The following TUT7 variants were observed in gnomAD, a reference collection of about 807,000 sequenced individuals.
TUT7 encodes terminal uridylyltransferase 7.
TUT7 carries 33 observed loss-of-function variants against 165.9 expected under a neutral mutation model. That is an observed-to-expected ratio of 0.20 (90% CI 0.15 to 0.27). The LOEUF is 0.27. Among genes scored for constraint, TUT7 ranks in the 10% least tolerant of loss-of-function variants. The pLI is 1.00. For missense variants in TUT7, 1,338 were observed against 1,762.3 expected (o/e 0.76, Z 4.31); for synonymous variants, 552 against 608.1 (o/e 0.91, Z 1.36).
At chr9:86,342,799 A>C (rs1187782361) in intron 6 of TUT7, among the ~76,000 whole-genome samples, 1 of 152,220 alleles carries the variant, frequency 6.6e-6, no homozygotes, top group Non-Finnish European at 1.5e-5. Flanking sequence ...TTTATCAAGA[A>C]AATTTACTCT....
intron 10 of TUT7, among the ~76,000 whole-genome samples, chr9:86,329,699 A>G (rs1830128089): frequency 6.6e-6 from 1 of 152,170 alleles, no homozygotes; most frequent in Non-Finnish European, 1.5e-5. Flanking sequence ...TCTCCTGTTC[A>G]TAGTGGTTTC....
intron 5 of TUT7, among the ~76,000 whole-genome samples, chr9:86,344,316 T>C (rs1831570208): frequency 6.6e-6 from 1 of 151,990 alleles, no homozygotes; most frequent in Admixed American, 6.6e-5. Flanking sequence ...GGTTGGGGGA[T>C]GATGTGGGGT....
At position 86,329,472 on chromosome 9, in the gene TUT7, G is replaced by A. The variant is rs535907035; in HGVS notation, c.1456-980C>T. ...TGGGAGGCAGAGGTTGCAGTGAGCC[G>A]AGATGGTGCCATTGCACTCCAGCCT... On this transcript the variant is annotated intron_variant, in intron 10 of 26. Transcript: ENST00000375963. 9.9e-5 allele frequency among the ~76,000 whole-genome samples: 15 copies of A among 151,380 alleles called. 1 individual carries two copies. Among genetic ancestry groups the A allele is most frequent in the African/African-American group, 3.2e-4 (13 of 41,194 alleles).
intron 13 of TUT7, 139 bp downstream of exon 13, chr9:86,322,732 CGA>C: frequency 2.9e-6 from 3 of 1,036,662 alleles, no homozygotes; most frequent in Non-Finnish European, 4.1e-6. Flanking sequence ...AAAAGCAGAC[CGA>C]GCAGTCATAT....
chr9:86,307,371 C>T (rs1447355409), intron 22 of TUT7, among the ~76,000 whole-genome samples: 1 of 152,034 alleles, frequency 6.6e-6, no homozygotes, highest in African/African-American at 2.4e-5. Flanking sequence ...GTGTTTGACA[C>T]ATGAGATCTT....
At chr9:86,295,272 A>G (rs897943104) in intron 26 of TUT7, among the ~76,000 whole-genome samples, 3 of 152,194 alleles carry the variant, frequency 2.0e-5, no homozygotes, top group Admixed American at 2.0e-4. Flanking sequence ...TGAAAAAGCA[A>G]TAATATTTAT....
chr9:86,317,442 T>C (rs144378430), intron 16 of TUT7, among the ~76,000 whole-genome samples, 166 bp from the exon 17 acceptor site: 6 of 152,198 alleles, frequency 3.9e-5, no homozygotes, highest in African/African-American at 1.4e-4. Flanking sequence ...ACAGGAAATA[T>C]CCTGACGGTA....
chr9:86,353,092 T>C lies in TUT7; in HGVS notation c.108A>G (p.Ile36Met). Residue 36 changes from isoleucine (I) to methionine (M), a missense_variant, in exon 2 of 27, where the codon ATA becomes ATG. Ile to Met is a conservative substitution (Grantham distance 10, BLOSUM62 1). Around this residue, in one of 7 missense-constraint regions of TUT7, gnomAD observed 434 missense variants for 480.8 expected, o/e 0.90. Coordinates refer to ENST00000375963, the MANE Select transcript of TUT7 (RefSeq NM_024617.4). Reference protein sequence around the residue: ...RGHPQQDYLIIDDHAKGHGSK... With the variant: ...RGHPQQDYLIMDDHAKGHGSK... ...TGCCATGGCCTTTAGCATGGTCATC[T>C]ATTATTAAATAATCTTGTTGGGGGT... 6.2e-7 allele frequency: 1 copy of C among 1,614,070 alleles called. No homozygotes were observed. Among genetic ancestry groups the C allele is most frequent in the Non-Finnish European group, 8.5e-7 (1 of 1,180,018 alleles).
chr9:86,327,633 T>C (rs1057165527), intron 11 of TUT7, among the ~76,000 whole-genome samples: 10 of 152,174 alleles, frequency 6.6e-5, no homozygotes, highest in South Asian at 2.1e-4. Flanking sequence ...GTACCACCAC[T>C]CTCCTCCTCC....
At chr9:86,319,529 G>A (rs538502431) in intron 15 of TUT7, 55 bp downstream of exon 15, 57 of 1,249,010 alleles carry the variant, frequency 4.6e-5, no homozygotes, top group Non-Finnish European at 6.2e-5. Flanking sequence ...CACATGAACT[G>A]ATTTGGAAAA....
At chr9:86,344,818 C>T (rs1345190999) in intron 5 of TUT7, 159 bp downstream of exon 5, 1 of 658,624 alleles carries the variant, frequency 1.5e-6, no homozygotes, top group East Asian at 2.9e-5. Context: ...TCCTTGTTAC[C>T]TTAGGGAAAG....
chr9:86,289,490 CCTT>C (rs1053811615), intron 26 of TUT7, among the ~76,000 whole-genome samples: 19 of 152,246 alleles, frequency 1.2e-4, no homozygotes, highest in South Asian at 4.1e-4. Flanking sequence ...CACACCATAT[CCTT>C]CTTCTCTACC....
intron 24 of TUT7, 144 bp from the exon 25 acceptor site, chr9:86,303,345 A>T: frequency 2.0e-6 from 1 of 490,422 alleles, no homozygotes; most frequent in East Asian, 3.1e-5. Flanking sequence ...GCTTAATTCC[A>T]AACAAAATCT....
In TUT7 at chr9:86,311,965, C is replaced by T. The variant is rs981142703; in HGVS notation, c.3275-1156G>A. Among the ~76,000 whole-genome samples, 5 of 152,202 alleles carry T rather than the reference C, an allele frequency of 3.3e-5. No homozygotes were observed. Among genetic ancestry groups the T allele is most frequent in the Admixed American group, 6.5e-5 (1 of 15,278 alleles). The stretch of plus-strand genomic sequence containing the variant: ...GGAGTGCAGTGGCGTGATCTCGGCC[C>T]GCTACAACCTCCACCTCCCAGCCGC... On this transcript the variant is annotated intron_variant, in intron 17 of 26. Coordinates refer to ENST00000375963, the MANE Select transcript of TUT7 (RefSeq NM_024617.4). This position sits in a 1 kb window ranked among gnomAD's most constrained non-coding sequence, Gnocchi z 4.4.
At chr9:86,353,761 TAGG>T (rs1404929353) in intron 1 of TUT7, among the ~76,000 whole-genome samples, 2 of 152,158 alleles carry the variant, frequency 1.3e-5, no homozygotes, top group Non-Finnish European at 2.9e-5. Context: ...TTTGAGCGCT[TAGG>T]TTACGGAGGG....
At chr9:86,331,795 T>C (rs898767536) in intron 10 of TUT7, among the ~76,000 whole-genome samples, 16 of 152,208 alleles carry the variant, frequency 1.1e-4, no homozygotes, top group Admixed American at 3.3e-4. Flanking sequence ...AATTTTTGCA[T>C]AGCCCTATCA....
At position 86,311,904 on chromosome 9, in the gene TUT7, A is replaced by G. The variant is rs1342764204; in HGVS notation, c.3275-1095T>C. On this transcript the variant is annotated intron_variant, in intron 17 of 26. Transcript: ENST00000375963. The surrounding 1 kb of genome is among the most constrained non-coding windows in gnomAD (Gnocchi z 4.4). ...CCGGAGGTGCCGGGATTGCAGACGG[A>G]GTCTCGTTCACTCAGTGCTCAATGG... Among the ~76,000 whole-genome samples, 1 of 152,102 alleles carries G rather than the reference A, an allele frequency of 6.6e-6. No individual in the cohort carries two copies. Among genetic ancestry groups the G allele is most frequent in the Non-Finnish European group, 1.5e-5 (1 of 68,034 alleles).
intron 16 of TUT7, among the ~76,000 whole-genome samples, chr9:86,317,549 A>T (rs909741729): frequency 6.6e-6 from 1 of 152,218 alleles, no homozygotes; most frequent in African/African-American, 2.4e-5. Flanking sequence ...CTTCCAAAAA[A>T]GTCTCTGAAC....
Position 86,352,918 on chromosome 9 carries a change from G to A in TUT7, c.282C>T (p.His94=), listed in dbSNP as rs1416946640. 9 of 1,614,158 alleles carry A rather than the reference G, an allele frequency of 5.6e-6. No homozygotes were observed. The highest frequency in any genetic ancestry group is 6.8e-6 in the Non-Finnish European group (8 of 1,180,030). ...ACAGCCATCTCTTACTCTGATCTTT[G>A]TGGCTGTCATTCATCCAAGCGGGTT... ...YSQPAWMNDS[H]KDQSKRWLSD... The change falls in exon 2 of 27, where the codon CAC becomes CAT. Residue 94 remains histidine, a synonymous_variant. Transcript: ENST00000375963.
Sources: allele counts gnomAD v4.1 joint callset (sites outside exome capture counted in the v4.1 genomes callset), GRCh38; gene constraint gnomAD v4.1.1; regional missense constraint gnomAD v4.1.1; non-coding constraint Gnocchi (gnomAD v3.1); transcripts MANE v1.5; gene names NCBI Gene and HGNC (gene_info 2026-07-23, HGNC 2026-07-21).